Variants in ETS1 observed in about 807,000 individuals in gnomAD.
ETS1 encodes the protein ETS proto-oncogene 1, transcription factor, also known as protein C-ets-1.
ETS1 carries 15 observed loss-of-function variants against 58.6 expected under a neutral mutation model. The ratio of observed to expected loss-of-function variants is 0.26; its 90% confidence interval spans 0.17 to 0.39. The LOEUF (loss-of-function observed/expected upper bound fraction) is 0.39, where lower values mean the gene tolerates loss of function less well. Among genes scored for constraint, ETS1 ranks in the 10% least tolerant of loss-of-function variants. ETS1 has a pLI of 1.00. For missense variants in ETS1, 417 were observed against 610.5 expected (o/e 0.68, Z 3.34); for synonymous variants, 214 against 218.2 (o/e 0.98, Z 0.17).
At chr11:128,535,973 C>T (rs1283363922) in intron 3 of ETS1, among the ~76,000 whole-genome samples, 4 of 152,286 alleles carry the variant, frequency 2.6e-5, no homozygotes, top group Non-Finnish European at 4.4e-5. Flanking sequence ...AAGGTTCCTA[C>T]TTGTTAAAGT....
At chr11:128,585,198 G>C in intron 1 of ETS1, among the ~76,000 whole-genome samples, 1 of 53,114 alleles carries the variant, frequency 1.9e-5, no homozygotes, top group Non-Finnish European at 4.0e-5. Context: ...AGGAAGGAAA[G>C]AAAGAAAGAA....
intron 2 of ETS1, among the ~76,000 whole-genome samples, chr11:128,559,164 A>G (rs1318784396): frequency 6.6e-6 from 1 of 152,312 alleles, no homozygotes; most frequent in East Asian, 1.9e-4. Context: ...GGTGGTGGGA[A>G]CCTAAGAACC....
At chr11:128,515,920 C>A (rs909380199) in intron 3 of ETS1, among the ~76,000 whole-genome samples, 1 of 152,140 alleles carries the variant, frequency 6.6e-6, no homozygotes, top group Non-Finnish European at 1.5e-5. Context: ...TGCACCCAAG[C>A]AGTAGACACT....
At chr11:128,478,324 AAGGAAGGAAGGAAGG>A (rs1174306147) in intron 8 of ETS1, among the ~76,000 whole-genome samples, 45 of 96,516 alleles carry the variant, frequency 4.7e-4, no homozygotes, top group Non-Finnish European at 8.0e-4. Context: ...GGAAGGAAAG[AAGGAAGGAAGGAAGG>A]AGGAAGGAAG....
At chr11:128,517,299 A>G (rs1055662083) in intron 3 of ETS1, among the ~76,000 whole-genome samples, 11 of 152,250 alleles carry the variant, frequency 7.2e-5, no homozygotes, top group African/African-American at 2.7e-4. Flanking sequence ...TCTAATTTCC[A>G]GAGTTTTTGA....
At chr11:128,552,542 C>A (rs899614613) in intron 3 of ETS1, among the ~76,000 whole-genome samples, 1 of 152,186 alleles carries the variant, frequency 6.6e-6, no homozygotes, top group African/African-American at 2.4e-5. Flanking sequence ...AACATCACAT[C>A]CATAAGTTTG....
chr11:128,475,390 C>G (rs1862293738), intron 8 of ETS1, among the ~76,000 whole-genome samples: 1 of 152,030 alleles, frequency 6.6e-6, no homozygotes, highest in African/African-American at 2.4e-5. Flanking sequence ...GTTACTGATC[C>G]CTAAAACTCA....
rs1591601223 is a variant in ETS1 at position 128,480,286 on chromosome 11, T to G, written c.1028A>C (p.Lys343Thr). ...ATAGTCCTTGAAGGTGCCCTTGGGC[T>G]TGTGGTTGGGCAGGGCAGCCGGATA... ...EDYPAALPNH[K>T]PKGTFKDYVR... Residue 343 changes from lysine (K) to threonine (T), a missense_variant, in exon 8 of 10, where the codon AAG (lysine) becomes ACG (threonine). Physicochemically the swap from Lys to Thr is moderately conservative, Grantham distance 78. Coordinates refer to ENST00000392668, the MANE Select transcript of ETS1 (RefSeq NM_001143820.2). The G allele has an allele frequency of 6.2e-7, 1 of 1,614,062 alleles. No individual in the cohort carries two copies. The highest frequency in any genetic ancestry group is 8.5e-7 in the Non-Finnish European group (1 of 1,180,006).
intron 3 of ETS1, among the ~76,000 whole-genome samples, chr11:128,495,114 A>G (rs1317493069): frequency 2.0e-5 from 3 of 152,184 alleles, no homozygotes; most frequent in African/African-American, 7.2e-5. Flanking sequence ...AAGGTATCAC[A>G]AGGTCCCCAT....
At chr11:128,512,405 T>A (rs958080691) in intron 3 of ETS1, among the ~76,000 whole-genome samples, 2 of 152,208 alleles carry the variant, frequency 1.3e-5, no homozygotes, top group African/African-American at 4.8e-5. Flanking sequence ...CCCCAAAAAC[T>A]GGCATGCTGA....
intron 3 of ETS1, among the ~76,000 whole-genome samples, chr11:128,544,236 T>C (rs950536361): frequency 6.6e-6 from 1 of 150,884 alleles, no homozygotes; most frequent in African/African-American, 2.4e-5. Flanking sequence ...CTCTTTGAGA[T>C]AAAAATAGGC....
intron 3 of ETS1, among the ~76,000 whole-genome samples, chr11:128,491,817 G>A (rs1459416698): frequency 6.6e-6 from 1 of 152,170 alleles, no homozygotes; most frequent in Non-Finnish European, 1.5e-5. Context: ...ATAAAGCTTG[G>A]TTAGTGTCAG....
intron 3 of ETS1, among the ~76,000 whole-genome samples, chr11:128,552,472 C>G (rs1864245881): frequency 2.0e-5 from 3 of 152,230 alleles, no homozygotes; most frequent in African/African-American, 4.8e-5. Context: ...CCTATGTTCT[C>G]TAGCTCCAGG....
chr11:128,567,860 C>CT (rs978313793), intron 2 of ETS1, among the ~76,000 whole-genome samples: 6 of 152,284 alleles, frequency 3.9e-5, no homozygotes, highest in Admixed American at 3.3e-4. Flanking sequence ...TCTCGAACTC[C>CT]TGACCTCAGG....
At chr11:128,486,844 A>G (rs1446433002) in intron 5 of ETS1, among the ~76,000 whole-genome samples, 1 of 152,260 alleles carries the variant, frequency 6.6e-6, no homozygotes, top group Non-Finnish European at 1.5e-5. Flanking sequence ...ACGACCCTGC[A>G]GTAAGCCTGG....
chr11:128,521,904 G>A lies in ETS1; in HGVS notation c.215-31328C>T, dbSNP rs772563436. On this transcript the variant is annotated intron_variant, in intron 3 of 9. Transcript: ENST00000392668. ...AGCTTGGGTGGGGGCCTCGGCCGTCGCCACTCACCCGGGGAGGGGAAAAGC... is the reference window on the plus strand; with the variant it reads ...AGCTTGGGTGGGGGCCTCGGCCGTCACCACTCACCCGGGGAGGGGAAAAGC... 5.0e-6 allele frequency: 8 copies of A among 1,590,772 alleles called. No individual in the cohort carries two copies. In the Admixed American group the frequency reaches 1.0e-4, roughly 21 times the overall value.
intron 8 of ETS1, among the ~76,000 whole-genome samples, chr11:128,477,829 TG>T (rs1293670800): frequency 6.6e-6 from 1 of 152,200 alleles, no homozygotes; most frequent in Non-Finnish European, 1.5e-5. Flanking sequence ...TTGTTATAAT[TG>T]AGGGTTTTTT....
chr11:128,475,180 T>G (rs1862289387), intron 8 of ETS1, among the ~76,000 whole-genome samples: 1 of 152,254 alleles, frequency 6.6e-6, no homozygotes, highest in Non-Finnish European at 1.5e-5. Flanking sequence ...TAACTTAGGC[T>G]CATACCAAAA....
At chr11:128,537,906 TG>T (rs1236249679) in intron 3 of ETS1, among the ~76,000 whole-genome samples, 2 of 152,122 alleles carry the variant, frequency 1.3e-5, no homozygotes, top group African/African-American at 2.4e-5. Context: ...AGTAATGAGA[TG>T]GGGAAGAGGA....
Sources: allele counts gnomAD v4.1 joint callset (sites outside exome capture counted in the v4.1 genomes callset), GRCh38; gene constraint gnomAD v4.1.1; transcripts MANE v1.5; gene names NCBI Gene and HGNC (gene_info 2026-07-23, HGNC 2026-07-21).